SEZ6L: variants seen among roughly 807,000 people sequenced by gnomAD.
SEZ6L encodes seizure 6-like protein.
A neutral mutation model predicts 106.2 loss-of-function variants in SEZ6L; 37 were observed. The ratio of observed to expected loss-of-function variants is 0.35; its 90% CI spans 0.27 to 0.46. The LOEUF (loss-of-function observed/expected upper bound fraction) is 0.46. Ranked by LOEUF, SEZ6L falls within the 20% of genes least tolerant of loss-of-function variation. SEZ6L has a pLI of 1.00. For synonymous variants in SEZ6L, 541 were observed against 570.4 expected (o/e 0.95, Z 0.73); for missense variants, 1,172 against 1,332.8 (o/e 0.88, Z 1.88).
intron 9 of SEZ6L, among the ~76,000 whole-genome samples, chr22:26,338,867 CTTT>C (rs71192914): frequency 2.3e-5 from 2 of 87,468 alleles, no homozygotes; most frequent in African/African-American, 9.8e-5. Flanking sequence ...TTTTTTTTTT[CTTT>C]TTTTTTTTTT....
chr22:26,221,739 T>TGC (rs1303562654), intron 1 of SEZ6L, among the ~76,000 whole-genome samples: 120 of 107,452 alleles, frequency 1.1e-3, no homozygotes, highest in African/African-American at 2.7e-3. Flanking sequence ...TGCACACGCG[T>TGC]GCACACACAC....
intron 1 of SEZ6L, chr22:26,244,565 T>C (rs755980725): frequency 6.6e-6 from 1 of 152,252 alleles, no homozygotes; most frequent in Non-Finnish European, 1.5e-5. Flanking sequence ...GGCATCTGCA[T>C]TGAGCGCTCT....
chr22:26,337,625 G>T (rs966704589), intron 9 of SEZ6L, among the ~76,000 whole-genome samples: 2 of 152,150 alleles, frequency 1.3e-5, no homozygotes, highest in South Asian at 4.1e-4. Flanking sequence ...CACCTACTGT[G>T]TGCAAGAACA....
At chr22:26,254,949 C>T (rs1023195492) in intron 1 of SEZ6L, among the ~76,000 whole-genome samples, 1 of 152,142 alleles carries the variant, frequency 6.6e-6, no homozygotes, top group Non-Finnish European at 1.5e-5. Context: ...AGAATTCTAT[C>T]ACCTGGTCCT....
At chr22:26,195,419 T>C (rs969580289) in intron 1 of SEZ6L, among the ~76,000 whole-genome samples, 2 of 152,210 alleles carry the variant, frequency 1.3e-5, no homozygotes, top group African/African-American at 2.4e-5. Context: ...AATCTCAGTT[T>C]AGTCATTTCG....
intron 1 of SEZ6L, among the ~76,000 whole-genome samples, chr22:26,215,025 C>T (rs1453947163): frequency 1.3e-5 from 2 of 152,204 alleles, no homozygotes; most frequent in Non-Finnish European, 2.9e-5. Flanking sequence ...GAAAGTGGTA[C>T]ATACTTTTTA....
chr22:26,310,693 C>T lies in SEZ6L; in HGVS notation c.1538C>T (p.Thr513Ile). 1 of 1,614,160 alleles carries T rather than the reference C, an allele frequency of 6.2e-7. No homozygotes were observed. The highest frequency in any genetic ancestry group is 8.5e-7 in the Non-Finnish European group (1 of 1,180,028). The change falls in exon 7 of 17, where the codon ACC becomes ATC. Residue 513 changes from threonine to isoleucine, a missense_variant. Thr to Ile is a moderately conservative substitution (Grantham distance 89, BLOSUM62 -1). Around this residue, in one of 4 missense-constraint regions of SEZ6L, gnomAD observed 534 missense variants for 691.0 expected, o/e 0.77. Coordinates refer to ENST00000248933, the MANE Select transcript of SEZ6L (RefSeq NM_021115.5). Reference sequence around the variant, plus strand: ...AGGATGACGGTTCACAGCGGGCAGACCAACAAGTCAGCTCTTCTCTACGAC... The same window carrying T: ...AGGATGACGGTTCACAGCGGGCAGATCAACAAGTCAGCTCTTCTCTACGAC... ...KDRMTVHSGQTNKSALLYDSL... is the reference protein window; with the variant it reads ...KDRMTVHSGQINKSALLYDSL...
intron 1 of SEZ6L, among the ~76,000 whole-genome samples, chr22:26,231,566 G>A (rs2145746233): frequency 6.6e-6 from 1 of 152,284 alleles, no homozygotes; most frequent in African/African-American, 2.4e-5. Context: ...GTTTGCAGTA[G>A]GGGATGCAGT....
chr22:26,317,447 A>G (rs1179848107), intron 9 of SEZ6L, among the ~76,000 whole-genome samples: 1 of 151,310 alleles, frequency 6.6e-6, no homozygotes, highest in Non-Finnish European at 1.5e-5. Flanking sequence ...CTGGCCTCAC[A>G]GGGAGCCTCC....
Position 26,303,005 on chromosome 22 carries a change from T to A in SEZ6L, c.1349-2974T>A, listed in dbSNP as rs116656431. Among the ~76,000 whole-genome samples, 153 of 152,366 alleles carry A rather than the reference T, an allele frequency of 1.0e-3. 1 individual carries two copies. The highest frequency in any genetic ancestry group is 3.6e-3 in the African/African-American group (151 of 41,592). ...GCCAGGGATGGCATGAAGCTCCCCA[T>A]GCCCATCGTTTCATTGATTTCTCAC... On this transcript the variant is annotated intron_variant, in intron 5 of 16. Transcript: ENST00000248933.
intron 10 of SEZ6L, among the ~76,000 whole-genome samples, chr22:26,343,211 T>C (rs1364279982): frequency 6.6e-6 from 1 of 151,916 alleles, no homozygotes; most frequent in African/African-American, 2.4e-5. Context: ...GGCTCCTGTC[T>C]CTCTCCTTAG....
intron 1 of SEZ6L, among the ~76,000 whole-genome samples, chr22:26,247,487 G>A (rs952971306): frequency 6.6e-6 from 1 of 152,174 alleles, no homozygotes; most frequent in South Asian, 2.1e-4. Flanking sequence ...TGTGGAAGAT[G>A]CAGAGAGACA....
intron 9 of SEZ6L, among the ~76,000 whole-genome samples, chr22:26,320,187 G>C (rs1475097636): frequency 6.6e-6 from 1 of 152,160 alleles, no homozygotes; most frequent in African/African-American, 2.4e-5. Context: ...TATCTAGCGG[G>C]AGGGGGACTT....
intron 10 of SEZ6L, among the ~76,000 whole-genome samples, chr22:26,347,366 C>T (rs147180739): frequency 5.5e-3 from 840 of 152,140 alleles, no homozygotes; most frequent in Non-Finnish European, 8.0e-3. Flanking sequence ...AGACAGGTGC[C>T]GTTGTAATTA....
At chr22:26,219,871 G>A (rs748462305) in intron 1 of SEZ6L, among the ~76,000 whole-genome samples, 8 of 152,190 alleles carry the variant, frequency 5.3e-5, no homozygotes, top group Non-Finnish European at 1.0e-4. Context: ...GTGATGGGTT[G>A]ACAAGCGCAA....
At chr22:26,172,743 T>C (rs992343692) in intron 1 of SEZ6L, among the ~76,000 whole-genome samples, 4 of 152,162 alleles carry the variant, frequency 2.6e-5, no homozygotes, top group Non-Finnish European at 5.9e-5. Context: ...ATTACTACAT[T>C]TTATTACTGT....
At chr22:26,239,370 C>A (rs2079045557) in intron 1 of SEZ6L, among the ~76,000 whole-genome samples, 1 of 152,202 alleles carries the variant, frequency 6.6e-6, no homozygotes, top group Admixed American at 6.5e-5. Flanking sequence ...CCAGCAAGTT[C>A]TTTGGAAGCC....
intron 1 of SEZ6L, among the ~76,000 whole-genome samples, chr22:26,265,996 T>C (rs1051335159): frequency 6.6e-6 from 1 of 152,138 alleles, no homozygotes; most frequent in Admixed American, 6.6e-5. Flanking sequence ...CATACAAGGC[T>C]CTCCACCTGA....
intron 9 of SEZ6L, among the ~76,000 whole-genome samples, chr22:26,333,651 A>C (rs1246276300): frequency 1.3e-5 from 2 of 152,124 alleles, no homozygotes; most frequent in Non-Finnish European, 2.9e-5. Context: ...CACTAGGGAT[A>C]CAGCCAGCAG....
Sources: allele counts gnomAD v4.1 joint callset (sites outside exome capture counted in the v4.1 genomes callset), GRCh38; gene constraint gnomAD v4.1.1; regional missense constraint gnomAD v4.1.1; transcripts MANE v1.5; gene names NCBI Gene and HGNC (gene_info 2026-07-23, HGNC 2026-07-21).